PRKCE: variants seen among roughly 807,000 people sequenced by gnomAD.
PRKCE encodes the protein protein kinase C epsilon type.
Under a neutral mutation model 85.4 loss-of-function variants are expected in PRKCE, and 16 were observed. That is an observed-to-expected ratio of 0.19 (90% CI 0.13 to 0.28). PRKCE has a LOEUF of 0.28. Among genes scored for constraint, PRKCE ranks in the 10% least tolerant of loss-of-function variants. The probability of loss-of-function intolerance (pLI) is 1.00; values close to 1 mark genes in which losing one functional copy is unlikely to be tolerated. For missense variants in PRKCE, 573 were observed against 975.2 expected (o/e 0.59, Z 5.49); for synonymous variants, 388 against 371.5 (o/e 1.04, Z -0.51).
At chr2:45,682,213 T>A (rs936640029) in intron 1 of PRKCE, among the ~76,000 whole-genome samples, 2 of 152,212 alleles carry the variant, frequency 1.3e-5, no homozygotes, top group African/African-American at 4.8e-5. Flanking sequence ...ATATGATTTC[T>A]TATTCTTTTT....
chr2:46,095,194 T>A lies in PRKCE; in HGVS notation c.1592+8832T>A, dbSNP rs140567495. Among the ~76,000 whole-genome samples the A allele has an allele frequency of 7.2e-3, 1,092 of 152,352 alleles. 14 individuals are homozygous for A. The highest frequency in any genetic ancestry group is 0.025 in the African/African-American group (1,024 of 41,574). ...AGACTAATCTGGGTGGCCCACTTAG[T>A]TGGGGAACCTCAGACTATCACTATT... is the stretch of plus-strand genomic sequence containing the variant. On this transcript the variant is annotated intron_variant, in intron 11 of 14. Coordinates refer to ENST00000306156, the MANE Select transcript of PRKCE (RefSeq NM_005400.3).
At chr2:45,754,949 G>T (rs1243927782) in intron 1 of PRKCE, among the ~76,000 whole-genome samples, 3 of 152,186 alleles carry the variant, frequency 2.0e-5, no homozygotes, top group Non-Finnish European at 2.9e-5. Flanking sequence ...GGGGCTTCAG[G>T]GTCTTTCTAC....
chr2:45,762,411 G>T (rs1300510632), intron 1 of PRKCE, among the ~76,000 whole-genome samples: 1 of 152,184 alleles, frequency 6.6e-6, no homozygotes, highest in Non-Finnish European at 1.5e-5. Context: ...GCTGAACTTT[G>T]TCACTTGGGA....
intron 1 of PRKCE, among the ~76,000 whole-genome samples, chr2:45,794,700 C>T (rs1687282516): frequency 6.6e-6 from 1 of 152,164 alleles, no homozygotes; most frequent in Non-Finnish European, 1.5e-5. Flanking sequence ...TCTCTGACTT[C>T]CTTTCTTCCT....
At chr2:45,813,683 G>T (rs1688814818) in intron 1 of PRKCE, among the ~76,000 whole-genome samples, 1 of 152,160 alleles carries the variant, frequency 6.6e-6, no homozygotes, top group South Asian at 2.1e-4. Context: ...CCCAGGCCCT[G>T]GAGGCCAGGC....
At chr2:46,097,603 A>T (rs866430215) in intron 11 of PRKCE, among the ~76,000 whole-genome samples, 5 of 147,730 alleles carry the variant, frequency 3.4e-5, no homozygotes, top group Non-Finnish European at 6.1e-5. Flanking sequence ...AGCCACCTTC[A>T]TGAGAACCCG....
intron 1 of PRKCE, among the ~76,000 whole-genome samples, chr2:45,808,070 G>C (rs1425697804): frequency 6.6e-6 from 1 of 152,062 alleles, no homozygotes; most frequent in East Asian, 1.9e-4. Context: ...GATCATGGTA[G>C]CGCATAGTGG....
intron 1 of PRKCE, chr2:45,675,959 G>A (rs1676425446): frequency 6.6e-6 from 1 of 152,252 alleles, no homozygotes; most frequent in South Asian, 2.1e-4. Flanking sequence ...TCCACTCCAC[G>A]CTTTTATTCA....
At chr2:45,946,305 C>G (rs1456094747) in intron 2 of PRKCE, among the ~76,000 whole-genome samples, 3 of 152,174 alleles carry the variant, frequency 2.0e-5, no homozygotes, top group African/African-American at 7.2e-5. Context: ...ATTTGCTTTT[C>G]CATTTTTTTT....
At chr2:45,798,122 A>G (rs1260213251) in intron 1 of PRKCE, among the ~76,000 whole-genome samples, 1 of 152,172 alleles carries the variant, frequency 6.6e-6, no homozygotes, top group Non-Finnish European at 1.5e-5. Flanking sequence ...CCTTGATCTC[A>G]AGGAGCTCAG....
chr2:45,965,821 C>T (rs900996491), intron 2 of PRKCE, among the ~76,000 whole-genome samples: 1 of 151,892 alleles, frequency 6.6e-6, no homozygotes, highest in Admixed American at 6.6e-5. Context: ...TAAATACACA[C>T]TATCGACATG....
rs1293987348 is a variant in PRKCE at position 45,892,251 on chromosome 2, G to A, written c.412+49188G>A. 5.3e-5 allele frequency among the ~76,000 whole-genome samples: 8 copies of A among 152,314 alleles called. 1 individual carries two copies. Among genetic ancestry groups the A allele is most frequent in the African/African-American group, 1.9e-4 (8 of 41,570 alleles). The stretch of plus-strand genomic sequence containing the variant: ...TTTTTTGAGCTCCCATGGCCCAAGT[G>A]TGCATTGCTCAGTAAGCCCTTTCAT... On this transcript the variant is annotated intron_variant, in intron 2 of 14. Transcript: ENST00000306156.
rs148368609 is a variant in PRKCE, at chr2:46,113,306, G to C, written c.1592+26944G>C. 5.3e-5 allele frequency among the ~76,000 whole-genome samples: 8 copies of C among 152,346 alleles called. No individual in the cohort carries two copies. The East Asian group carries it at 1.5e-3, about 29-fold the overall frequency. On this transcript the variant is annotated intron_variant, in intron 11 of 14. Transcript: ENST00000306156. ...CAGAACTCTAAAGTCAGACATCCAT[G>C]TGTTTGAATCCCAGACGGTACTTAC...
intron 10 of PRKCE, among the ~76,000 whole-genome samples, chr2:46,044,589 T>C (rs1708407937): frequency 6.6e-6 from 1 of 152,248 alleles, no homozygotes; most frequent in Non-Finnish European, 1.5e-5. Context: ...CTTAGCATGC[T>C]GTTATTAAAT....
intron 2 of PRKCE, among the ~76,000 whole-genome samples, chr2:45,955,833 CTT>C: frequency 6.6e-6 from 1 of 152,158 alleles, no homozygotes; most frequent in Middle Eastern, 3.4e-3. Flanking sequence ...ATACAGTAAA[CTT>C]CACCTTTTAG....
At chr2:46,024,934 C>A (rs1706981725) in intron 10 of PRKCE, among the ~76,000 whole-genome samples, 2 of 152,184 alleles carry the variant, frequency 1.3e-5, no homozygotes, top group Non-Finnish European at 2.9e-5. Flanking sequence ...CTTCTACCAT[C>A]CAATTTGCCC....
chr2:45,695,733 T>C (rs1007856940), intron 1 of PRKCE, among the ~76,000 whole-genome samples: 1 of 152,202 alleles, frequency 6.6e-6, no homozygotes, highest in East Asian at 1.9e-4. Context: ...ATCACGCCAC[T>C]GAACTCCAGC....
Position 45,774,167 on chromosome 2 carries a change from G to A in PRKCE, c.349-68833G>A, listed in dbSNP as rs1242123450. Among the ~76,000 whole-genome samples, 2 of 152,130 alleles carry A rather than the reference G, an allele frequency of 1.3e-5. No individual in the cohort carries two copies. The highest frequency in any genetic ancestry group is 2.9e-5 in the Non-Finnish European group (2 of 68,014). ...GGACTTGTCATCCTGGGAGTTCCAG[G>A]GCTGGGCTTGGCTGGGACATGTTGG... On this transcript the variant is annotated intron_variant, in intron 1 of 14. Transcript: ENST00000306156. The surrounding 1 kb of genome is among the most constrained non-coding windows in gnomAD (Gnocchi z 4.3).
intron 10 of PRKCE, among the ~76,000 whole-genome samples, chr2:46,053,903 A>C (rs141872248): frequency 6.6e-6 from 1 of 152,162 alleles, no homozygotes; most frequent in African/African-American, 2.4e-5. Context: ...GCTGACTCAT[A>C]TAGTAGTTCT....
Sources: gnomAD v4.1 joint callset for allele counts (sites outside exome capture counted in the v4.1 genomes callset) on GRCh38, gnomAD v4.1.1 for gene constraint, Gnocchi (gnomAD v3.1) non-coding constraint, MANE v1.5 for transcripts, NCBI Gene and HGNC (gene_info 2026-07-23, HGNC 2026-07-21) for gene names.